Variants in ABR observed in about 807,000 individuals in gnomAD.
ABR encodes active breakpoint cluster region-related protein.
In ABR, 35 loss-of-function variants were observed where a neutral mutation model predicts 107.2. That is an observed-to-expected ratio of 0.33 (90% confidence interval 0.25 to 0.43). The LOEUF is 0.43. ABR is among the 20% of genes least tolerant of loss of function. The probability of loss-of-function intolerance (pLI) is 1.00; values close to 1 mark genes in which losing one functional copy is unlikely to be tolerated. For synonymous variants in ABR, 498 were observed against 462.0 expected (o/e 1.08, Z -1.00); for missense variants, 815 against 1,115.2 (o/e 0.73, Z 3.83).
At chr17:1,196,512 G>T (rs2042568798) in intron 1 of ABR, among the ~76,000 whole-genome samples, 1 of 152,062 alleles carries the variant, frequency 6.6e-6, no homozygotes, top group Non-Finnish European at 1.5e-5. Context: ...ACAAAACTGG[G>T]TATTAACTCT....
chr17:1,195,223 C>A (rs80268395), intron 1 of ABR, among the ~76,000 whole-genome samples: 1 of 136,836 alleles, frequency 7.3e-6, no homozygotes, highest in African/African-American at 2.6e-5. Context: ...AGGAGAATGG[C>A]GTGAACCCGG....
At chr17:1,193,267 A>ACCCCC (rs1369346504) in intron 1 of ABR, among the ~76,000 whole-genome samples, 7 of 135,896 alleles carry the variant, frequency 5.2e-5, no homozygotes, top group Non-Finnish European at 1.2e-4. Flanking sequence ...TTTCTGGGAC[A>ACCCCC]CCCCCTCCCC....
upstream of ABR, among the ~76,000 whole-genome samples, chr17:1,190,337 T>A (rs2042403947): frequency 6.6e-6 from 1 of 152,164 alleles, no homozygotes; most frequent in African/African-American, 2.4e-5. Flanking sequence ...AAATTTGCAA[T>A]AAAACTTGTT....
intron 1 of ABR, among the ~76,000 whole-genome samples, chr17:1,176,426 C>T (rs62070490): frequency 0.06 from 9,178 of 152,294 alleles, 413 homozygotes; most frequent in East Asian, 0.25. Context: ...TAGGGTACAA[C>T]CTGAATTCCA....
chr17:1,023,245 G>GC (rs2071867112), intron 16 of ABR, among the ~76,000 whole-genome samples: 1 of 152,208 alleles, frequency 6.6e-6, no homozygotes, highest in Non-Finnish European at 1.5e-5. Flanking sequence ...TTTGCTTTTA[G>GC]CCCCCGGGCT....
intron 10 of ABR, among the ~76,000 whole-genome samples, chr17:1,063,637 G>C (rs2034320747): frequency 6.6e-6 from 1 of 151,110 alleles, no homozygotes; most frequent in African/African-American, 2.4e-5. Context: ...TGTTCCTCTA[G>C]ACGCTGCTGT....
intron 1 of ABR, among the ~76,000 whole-genome samples, chr17:1,163,015 T>C (rs2041363874): frequency 6.6e-6 from 1 of 152,164 alleles, no homozygotes; most frequent in Admixed American, 6.5e-5. Context: ...GAGGTTGCAG[T>C]GAGCCGAGAT....
At chr17:1,095,244 T>C (rs2037332270) in intron 3 of ABR, among the ~76,000 whole-genome samples, 1 of 152,054 alleles carries the variant, frequency 6.6e-6, no homozygotes, top group Non-Finnish European at 1.5e-5. Flanking sequence ...TGGTTATGCT[T>C]CCTCCTCAAC....
intron 10 of ABR, among the ~76,000 whole-genome samples, chr17:1,061,336 G>A (rs1389902081): frequency 6.6e-6 from 1 of 152,208 alleles, no homozygotes; most frequent in Non-Finnish European, 1.5e-5. Context: ...AGCCGTTCAG[G>A]AGGGGGACAG....
rs1271766613 is a variant in ABR at position 1,012,522 on chromosome 17, G to A, written c.1961+166C>T. 5 of 702,126 alleles carry A rather than the reference G, an allele frequency of 7.1e-6. No homozygotes were observed. The African/African-American group carries it at 8.8e-5, about 12-fold the overall frequency. 43.5% of individuals were successfully genotyped at this position (702,126 alleles called of 1,614,324 possible). ...CGCGTGCTTCTGAAGTGTCCTGTGAGCGCCTCTGCGGCCACTCTAGATCCA... is the reference window on the plus strand; with the variant it reads ...CGCGTGCTTCTGAAGTGTCCTGTGAACGCCTCTGCGGCCACTCTAGATCCA... On this transcript the variant is annotated intron_variant, in intron 18 of 22. Transcript: ENST00000302538.
chr17:1,005,615 A>G lies in ABR; in HGVS notation c.*465T>C. On this transcript the variant is annotated 3_prime_UTR_variant, in exon 23 of 23. Coordinates refer to ENST00000302538, the MANE Select transcript of ABR (RefSeq NM_021962.5). ...AGGAAGAGCGGGTGGAGGAAGACTG[A>G]GGGGAGGCTGCCAGGAGACCGCCAT... 5.0e-6 allele frequency: 1 copy of G among 200,242 alleles called. No homozygotes were observed. The highest frequency in any genetic ancestry group is 1.0e-4 in the South Asian group (1 of 9,974). 12.4% of individuals were successfully genotyped at this position (200,242 alleles called of 1,614,324 possible).
chr17:1,076,718 GGGGGTGGGGGT>G (rs1382270458), intron 6 of ABR, among the ~76,000 whole-genome samples: 1 of 112,920 alleles, frequency 8.9e-6, no homozygotes, highest in African/African-American at 4.0e-5. Flanking sequence ...GGTGCACGGG[GGGGGTGGGGGT>G]GGGGGGGGTG....
At chr17:1,116,278 A>G (rs2038981000) in intron 2 of ABR, among the ~76,000 whole-genome samples, 1 of 97,080 alleles carries the variant, frequency 1.0e-5, no homozygotes, top group African/African-American at 4.3e-5. Flanking sequence ...CCGGTACACA[A>G]CACTGTTTAT....
intron 6 of ABR, among the ~76,000 whole-genome samples, chr17:1,076,963 G>A (rs1043231028): frequency 1.1e-4 from 16 of 152,326 alleles, no homozygotes; most frequent in Admixed American, 4.6e-4. Flanking sequence ...CAGCAAGCTG[G>A]TCTCTCTCTA....
intron 1 of ABR, among the ~76,000 whole-genome samples, chr17:1,159,864 G>A (rs1310532084): frequency 6.6e-6 from 1 of 152,250 alleles, no homozygotes; most frequent in African/African-American, 2.4e-5. Context: ...CGATGCTGAG[G>A]AGGGAGGCCC....
Position 1,078,057 on chromosome 17 carries a change from T to C in ABR, c.700+1273A>G, listed in dbSNP as rs1036917404. Among the ~76,000 whole-genome samples, 2 of 152,062 alleles carry C rather than the reference T, an allele frequency of 1.3e-5. No individual in the cohort carries two copies. The highest frequency in any genetic ancestry group is 4.8e-5 in the African/African-American group (2 of 41,426). On this transcript the variant is annotated intron_variant, in intron 6 of 22. Coordinates refer to ENST00000302538, the MANE Select transcript of ABR (RefSeq NM_021962.5). This position sits in a 1 kb window ranked among gnomAD's most constrained non-coding sequence, Gnocchi z 7.5. Reference sequence around the variant, plus strand: ...GACTTCCCCCCAGCCCCCAGCCAGCTGCGGGAGCTGCAAGGAGGATGGTCC... The same window carrying C: ...GACTTCCCCCCAGCCCCCAGCCAGCCGCGGGAGCTGCAAGGAGGATGGTCC...
chr17:1,031,303 G>C (rs993051558), intron 16 of ABR, among the ~76,000 whole-genome samples: 3 of 152,160 alleles, frequency 2.0e-5, no homozygotes, highest in African/African-American at 7.2e-5. Context: ...GCGTCTCCCC[G>C]TGCGCTGTTT....
chr17:1,085,886 A>G (rs8064647), intron 4 of ABR, among the ~76,000 whole-genome samples: 1 of 152,130 alleles, frequency 6.6e-6, no homozygotes, highest in Non-Finnish European at 1.5e-5. Context: ...GTGGCTCACA[A>G]CTGTAATCCC....
intron 1 of ABR, among the ~76,000 whole-genome samples, chr17:1,224,602 T>C (rs1375517497): frequency 1.3e-5 from 2 of 152,186 alleles, no homozygotes; most frequent in Non-Finnish European, 2.9e-5. Flanking sequence ...ACCTCTGCCT[T>C]GAGTCCTGCC....
Sources: gnomAD v4.1 joint callset for allele counts (sites outside exome capture counted in the v4.1 genomes callset) on GRCh38, gnomAD v4.1.1 for gene constraint, Gnocchi (gnomAD v3.1) non-coding constraint, MANE v1.5 for transcripts, NCBI Gene and HGNC (gene_info 2026-07-23, HGNC 2026-07-21) for gene names.